Variants in EGFLAM observed in about 807,000 individuals in gnomAD.
The protein encoded by EGFLAM is EGF like, fibronectin type III and laminin G domains.
Under a neutral mutation model 113.1 loss-of-function variants are expected in EGFLAM, and 79 were observed. The observed-to-expected ratio is 0.70, with a 90% CI of 0.58 to 0.84. EGFLAM has a LOEUF of 0.84. EGFLAM is among the 40% of genes least tolerant of loss of function. EGFLAM has a pLI of 0.00. For missense variants in EGFLAM, 1,265 were observed against 1,291.6 expected, an observed-to-expected ratio of 0.98 and a Z score of 0.32; for synonymous variants, 504 against 487.6, an observed-to-expected ratio of 1.03 and a Z score of -0.44.
At chr5:38,455,241 C>T (rs1359528491) in intron 19 of EGFLAM, among the ~76,000 whole-genome samples, 5 of 152,200 alleles carry the variant, frequency 3.3e-5, no homozygotes, top group Admixed American at 3.3e-4. Flanking sequence ...AAAGGCCTCA[C>T]CTGAAGGTAT....
At chr5:38,389,847 C>T (rs189955872) in intron 6 of EGFLAM, among the ~76,000 whole-genome samples, 1 of 152,124 alleles carries the variant, frequency 6.6e-6, no homozygotes. Context: ...GACAGAACTT[C>T]TCAAGTTCAT....
intron 5 of EGFLAM, among the ~76,000 whole-genome samples, chr5:38,366,312 G>A (rs1161947435): frequency 6.6e-6 from 1 of 152,180 alleles, no homozygotes; most frequent in African/African-American, 2.4e-5. Flanking sequence ...CTTGAAATGT[G>A]CTATTTTGCG....
At chr5:38,375,005 G>A (rs973494706) in intron 6 of EGFLAM, among the ~76,000 whole-genome samples, 1 of 150,220 alleles carries the variant, frequency 6.7e-6, no homozygotes. Context: ...TTTTTCAGAG[G>A]CGTGATTTGA....
chr5:38,332,734 C>T lies in EGFLAM; in HGVS notation c.98-4786C>T, dbSNP rs533475601. Among the ~76,000 whole-genome samples the T allele has an allele frequency of 3.3e-5, 5 of 152,328 alleles. No individual in the cohort carries two copies. The South Asian group carries it at 1.0e-3, about 32-fold the overall frequency. ...AGGGATGGGTTGGGCTAGTTATCTG[C>T]AGCAGGAGCATGTCCTTAAGACACA... On this transcript the variant is annotated intron_variant, in intron 1 of 21. Transcript: ENST00000322350.
chr5:38,441,601 C>T, intron 17 of EGFLAM, among the ~76,000 whole-genome samples: 1 of 151,748 alleles, frequency 6.6e-6, no homozygotes. Context: ...TGTACACACA[C>T]ACACACACAC....
Position 38,427,167 on chromosome 5 carries a change from G to C in EGFLAM, c.1969G>C (p.Gly657Arg). ...TGTCCTCCTGTACAGCTATGACACA[G>C]GCAGCAAAGACTTCCTGTCCATCAA... ...DGVLLYSYDT[G>R]SKDFLSINLA... The change falls in exon 14 of 22, where the codon GGC becomes CGC. Residue 657 changes from glycine to arginine, a missense_variant. Coordinates refer to ENST00000322350, the MANE Select transcript of EGFLAM (RefSeq NM_152403.4). 6.2e-7 allele frequency: 1 copy of C among 1,614,132 alleles called. No individual in the cohort carries two copies. The highest frequency in any genetic ancestry group is 8.5e-7 in the Non-Finnish European group (1 of 1,180,024).
At chr5:38,399,075 G>A (rs1195115056) in intron 6 of EGFLAM, among the ~76,000 whole-genome samples, 2 of 152,138 alleles carry the variant, frequency 1.3e-5, no homozygotes, top group Admixed American at 6.5e-5. Context: ...GAGCCAAAGT[G>A]AGCTTGCAAA....
intron 1 of EGFLAM, among the ~76,000 whole-genome samples, chr5:38,275,515 G>T (rs373683286): frequency 1.3e-5 from 2 of 152,172 alleles, no homozygotes; most frequent in East Asian, 1.9e-4. Flanking sequence ...TCAGCAAGCG[G>T]ATATAACAGT....
intron 1 of EGFLAM, chr5:38,282,598 G>A (rs1455922503): frequency 1.3e-5 from 2 of 151,804 alleles, no homozygotes; most frequent in Non-Finnish European, 1.5e-5. Context: ...GCAGATCCTG[G>A]TAGCTGGAAA....
At chr5:38,277,377 A>T (rs753544122) in intron 1 of EGFLAM, among the ~76,000 whole-genome samples, 1 of 152,190 alleles carries the variant, frequency 6.6e-6, no homozygotes, top group African/African-American at 2.4e-5. Context: ...TTCACCATAA[A>T]AAGTCTCAAC....
At chr5:38,260,027 T>G (rs1052908293) in intron 1 of EGFLAM, among the ~76,000 whole-genome samples, 1 of 152,246 alleles carries the variant, frequency 6.6e-6, no homozygotes, top group Non-Finnish European at 1.5e-5. Context: ...TTACCTGCCT[T>G]GAAATCTAAG....
At chr5:38,461,480 A>G (rs754618103) in intron 20 of EGFLAM, among the ~76,000 whole-genome samples, 21 of 152,202 alleles carry the variant, frequency 1.4e-4, no homozygotes, top group Non-Finnish European at 2.6e-4. Context: ...GAACTAGAGT[A>G]AGTAGAAAAA....
Position 38,439,940 on chromosome 5 carries a change from A to C in EGFLAM, c.2464+1485A>C, listed in dbSNP as rs1015156108. Among the ~76,000 whole-genome samples the C allele has an allele frequency of 9.2e-5, 14 of 152,378 alleles. 2 individuals carry two copies. In the South Asian group the frequency reaches 2.9e-3, roughly 32 times the overall value. The stretch of plus-strand genomic sequence containing the variant: ...AAATCCCGGACTTAGATGAACATTT[A>C]GCACTGGAAATTAAAGGGAGAAAGA... On this transcript the variant is annotated intron_variant, in intron 17 of 21. Coordinates refer to ENST00000322350, the MANE Select transcript of EGFLAM (RefSeq NM_152403.4).
In EGFLAM at chr5:38,438,362, G is replaced by A. The variant is rs1742423561; in HGVS notation, c.2371G>A (p.Ala791Thr). The change falls in exon 17 of 22, where the codon GCC (alanine) becomes ACC (threonine). Residue 791 changes from alanine to threonine, a missense_variant. Coordinates refer to ENST00000322350, the MANE Select transcript of EGFLAM (RefSeq NM_152403.4). ...VENAAHPCVRAPCAHGGSCRP... is the reference protein window; with the variant it reads ...VENAAHPCVRTPCAHGGSCRP... Reference sequence around the variant, plus strand: ...GAATGCGGCCCACCCCTGTGTGAGAGCCCCTTGTGCCCATGGGGGCAGCTG... The same window carrying A: ...GAATGCGGCCCACCCCTGTGTGAGAACCCCTTGTGCCCATGGGGGCAGCTG... 2 of 1,613,980 alleles carry A rather than the reference G, an allele frequency of 1.2e-6. No individual in the cohort carries two copies. Among genetic ancestry groups the A allele is most frequent in the Non-Finnish European group, 8.5e-7 (1 of 1,180,006 alleles).
At chr5:38,417,974 C>T (rs1282501164) in intron 11 of EGFLAM, 92 bp from the exon 12 acceptor site, 5 of 1,276,592 alleles carry the variant, frequency 3.9e-6, no homozygotes, top group Non-Finnish European at 5.4e-6. Flanking sequence ...CTGTCACTGA[C>T]GTCTTAACCA....
At chr5:38,272,616 C>G (rs1326467182) in intron 1 of EGFLAM, among the ~76,000 whole-genome samples, 2 of 152,156 alleles carry the variant, frequency 1.3e-5, no homozygotes, top group African/African-American at 4.8e-5. Context: ...CAGCCAAAAG[C>G]TAGAGTGTTT....
intron 11 of EGFLAM, 37 bp from the exon 12 acceptor site, chr5:38,418,029 T>G (rs761810132): frequency 2.7e-5 from 42 of 1,574,912 alleles, no homozygotes; most frequent in Non-Finnish European, 3.6e-5. Context: ...TGATTTTGTT[T>G]AGTGAGAGTA....
At chr5:38,368,361 T>C (rs1740119020) in intron 5 of EGFLAM, among the ~76,000 whole-genome samples, 1 of 152,214 alleles carries the variant, frequency 6.6e-6, no homozygotes, top group Non-Finnish European at 1.5e-5. Context: ...GCTTCCTCCA[T>C]GGGCATACCC....
At chr5:38,332,926 G>A (rs1238347658) in intron 1 of EGFLAM, among the ~76,000 whole-genome samples, 7 of 152,178 alleles carry the variant, frequency 4.6e-5, no homozygotes, top group Admixed American at 3.3e-4. Flanking sequence ...GTTTATGGCC[G>A]GTTTTGGGGC....
Sources: gnomAD v4.1 joint callset for allele counts (sites outside exome capture counted in the v4.1 genomes callset) on GRCh38, gnomAD v4.1.1 for gene constraint, MANE v1.5 for transcripts, NCBI Gene and HGNC (gene_info 2026-07-23, HGNC 2026-07-21) for gene names.